DOP1A: variants seen among roughly 807,000 people sequenced by gnomAD.
DOP1A encodes the protein DOP1 leucine zipper like protein A.
A neutral mutation model predicts 267.6 loss-of-function variants in DOP1A; 90 were observed. The observed-to-expected ratio is 0.34, with a 90% CI of 0.28 to 0.40. The LOEUF is 0.40. Ranked by LOEUF, DOP1A falls within the 10% of genes least tolerant of loss-of-function variation. DOP1A has a pLI of 1.00. For synonymous variants in DOP1A, 932 were observed against 999.1 expected (o/e 0.93, Z 1.27); for missense variants, 2,437 against 2,900.4 (o/e 0.84, Z 3.67).
At chr6:83,134,513 C>A (rs1583055984) in intron 19 of DOP1A, 2 of 414,296 alleles carry the variant, frequency 4.8e-6, no homozygotes, top group East Asian at 4.0e-5. Flanking sequence ...CACTTCCCTT[C>A]CTTGGACAAC....
At chr6:83,123,662 A>G (rs1397989687) in intron 12 of DOP1A, among the ~76,000 whole-genome samples, 1 of 152,134 alleles carries the variant, frequency 6.6e-6, no homozygotes, top group Admixed American at 6.6e-5. Flanking sequence ...TAGCTTATTC[A>G]GCAGAGGTTG....
intron 12 of DOP1A, among the ~76,000 whole-genome samples, chr6:83,123,604 T>A (rs532620008): frequency 1.3e-5 from 2 of 152,134 alleles, no homozygotes; most frequent in South Asian, 4.2e-4. Flanking sequence ...TAAAAAATGT[T>A]AATTGTTGCT....
rs1779964185 is a variant in DOP1A at position 83,143,463 on chromosome 6, T to C, written c.5541+1417T>C. Among the ~76,000 whole-genome samples, 4 of 152,280 alleles carry C rather than the reference T, an allele frequency of 2.6e-5. No homozygotes were observed. The East Asian group carries it at 7.7e-4, about 29-fold the overall frequency. On this transcript the variant is annotated intron_variant, in intron 24 of 38. Coordinates refer to ENST00000349129, the MANE Select transcript of DOP1A (RefSeq NM_015018.4). ...ATTACCAGTCACATAAAGTCTCTAATGTGATAGACAGACTGAAACAACTAG... is the reference window on the plus strand; with the variant it reads ...ATTACCAGTCACATAAAGTCTCTAACGTGATAGACAGACTGAAACAACTAG...
chr6:83,139,903 C>T, intron 21 of DOP1A, 97 bp from the exon 22 acceptor site: 1 of 736,392 alleles, frequency 1.4e-6, no homozygotes, highest in Non-Finnish European at 2.2e-6. Flanking sequence ...TATTGCACAT[C>T]TTCTGTGTAC....
chr6:83,148,408 C>G (rs1027879753), intron 26 of DOP1A, among the ~76,000 whole-genome samples: 2 of 151,180 alleles, frequency 1.3e-5, no homozygotes, highest in African/African-American at 4.9e-5. Flanking sequence ...AGTGAGACTC[C>G]ATCTCAAAAA....
rs565352118 is a variant in DOP1A, at chr6:83,100,586, T to A, written c.139-119T>A. The A allele has an allele frequency of 5.4e-5, 32 of 596,580 alleles. No individual in the cohort carries two copies. The African/African-American group carries it at 5.5e-4, about 10-fold the overall frequency. 37.0% of individuals were successfully genotyped at this position (596,580 alleles called of 1,614,324 possible). A position where few individuals can be genotyped will look rare whatever the true frequency, so the allele number is the denominator to read the frequency against. On this transcript the variant is annotated intron_variant, in intron 3 of 38. Coordinates refer to ENST00000349129, the MANE Select transcript of DOP1A (RefSeq NM_015018.4). ...TAAATATGGTATATATAGGCAAATG[T>A]AGCTAACAAAACACAAAGACCTACA...
downstream of DOP1A, chr6:83,170,253 C>T (rs758323477): frequency 1.3e-6 from 2 of 1,527,278 alleles, no homozygotes; most frequent in South Asian, 2.3e-5. Context: ...AATAGTTTGC[C>T]TGCCCATCAC....
intron 6 of DOP1A, among the ~76,000 whole-genome samples, chr6:83,112,116 T>G (rs1239939377): frequency 6.6e-6 from 1 of 152,164 alleles, no homozygotes; most frequent in Non-Finnish European, 1.5e-5. Flanking sequence ...AAATCATTTT[T>G]TACTTATTTA....
chr6:83,126,697 G>T (rs1341295832), intron 15 of DOP1A, among the ~76,000 whole-genome samples: 1 of 152,138 alleles, frequency 6.6e-6, no homozygotes. Flanking sequence ...AATTGGTGTG[G>T]TGAGGGAGGT....
chr6:83,156,315 A>G (rs866149954), intron 34 of DOP1A, among the ~76,000 whole-genome samples: 2 of 152,136 alleles, frequency 1.3e-5, no homozygotes, highest in South Asian at 2.1e-4. Context: ...TGTGGTCTCT[A>G]TTTTATTGTT....
At chr6:83,108,366 T>TG (rs2128169015) in intron 4 of DOP1A, among the ~76,000 whole-genome samples, 1 of 152,206 alleles carries the variant, frequency 6.6e-6, no homozygotes, top group East Asian at 1.9e-4. Flanking sequence ...TTTGTAGAGA[T>TG]GGGGTCTCAC....
intron 19 of DOP1A, among the ~76,000 whole-genome samples, chr6:83,135,028 C>T (rs1778654642): frequency 6.6e-6 from 1 of 152,080 alleles, no homozygotes; most frequent in Non-Finnish European, 1.5e-5. Context: ...TATATTGAAC[C>T]TTTACTTTAT....
chr6:83,076,385 G>A (rs192594213), intron 1 of DOP1A, among the ~76,000 whole-genome samples: 2 of 152,272 alleles, frequency 1.3e-5, no homozygotes, highest in African/African-American at 4.8e-5. Context: ...AGCTGGGCGT[G>A]GTGGTGCACA....
At chr6:83,154,634 C>T (rs1174045071) in intron 33 of DOP1A, among the ~76,000 whole-genome samples, 6 of 152,038 alleles carry the variant, frequency 3.9e-5, no homozygotes, top group Non-Finnish European at 8.8e-5. Flanking sequence ...GGCAGGCAGT[C>T]GAATCCAGCC....
intron 1 of DOP1A, among the ~76,000 whole-genome samples, chr6:83,095,406 A>G (rs1241254571): frequency 1.3e-5 from 2 of 152,124 alleles, no homozygotes; most frequent in Non-Finnish European, 2.9e-5. Flanking sequence ...CACATGGGAT[A>G]TTCAGTTATC....
intron 24 of DOP1A, 86 bp downstream of exon 24, chr6:83,142,132 C>G: frequency 6.7e-7 from 1 of 1,489,652 alleles, no homozygotes; most frequent in Admixed American, 2.2e-5. Context: ...TGCAGTGGGG[C>G]CGGGGTAGAT....
At chr6:83,146,826 C>T (rs775904155) in intron 25 of DOP1A, among the ~76,000 whole-genome samples, 8 of 152,140 alleles carry the variant, frequency 5.3e-5, no homozygotes, top group Non-Finnish European at 1.2e-4. Context: ...ATTTGAACTA[C>T]ACTAATTGAA....
At chr6:83,154,551 C>T (rs1473267717) in intron 33 of DOP1A, among the ~76,000 whole-genome samples, 2 of 152,028 alleles carry the variant, frequency 1.3e-5, no homozygotes, top group Non-Finnish European at 2.9e-5. Flanking sequence ...AGCATCATAC[C>T]CAGCACATAA....
chr6:83,159,495 T>C (rs1000325119), intron 36 of DOP1A, among the ~76,000 whole-genome samples: 2 of 152,086 alleles, frequency 1.3e-5, no homozygotes, highest in Non-Finnish European at 2.9e-5. Flanking sequence ...TTCATCATGT[T>C]GCCCAGGCTG....
Sources: gnomAD v4.1 joint callset for allele counts (sites outside exome capture counted in the v4.1 genomes callset) on GRCh38, gnomAD v4.1.1 for gene constraint, MANE v1.5 for transcripts, NCBI Gene and HGNC (gene_info 2026-07-23, HGNC 2026-07-21) for gene names.